The following ITPR2 variants were observed in gnomAD, a reference collection of about 807,000 sequenced individuals.
ITPR2 encodes the protein inositol 1,4,5-trisphosphate-gated calcium channel ITPR2.
In ITPR2, 207 loss-of-function variants were observed where a neutral mutation model predicts 317.1. The observed-to-expected ratio is 0.65, with a 90% CI of 0.58 to 0.73. The LOEUF (loss-of-function observed/expected upper bound fraction) is 0.73. Among genes scored for constraint, ITPR2 ranks in the 30% least tolerant of loss-of-function variants. The pLI is 0.00. For missense variants in ITPR2, 2,613 were observed against 3,284.0 expected, an observed-to-expected ratio of 0.80 and a Z score of 4.99; for synonymous variants, 1,156 against 1,149.1, an observed-to-expected ratio of 1.01 and a Z score of -0.12.
At position 26,580,054 on chromosome 12, in the gene ITPR2, G is replaced by A. The variant is rs2230376; in HGVS notation, c.4482C>T (p.Pro1494=). The part of the protein sequence containing the change: ...MNIVSGFFNS[P]FSDNSTSLQT... Reference sequence around the variant, plus strand: ...GGAGGCTGGTACTATTGTCTGAAAAGGGAGAATTAAAGAAGCCGCTCACAA... The same window carrying A: ...GGAGGCTGGTACTATTGTCTGAAAAAGGAGAATTAAAGAAGCCGCTCACAA... The change falls in exon 33 of 57, where the codon CCC becomes CCT. Residue 1494 remains proline (P), a synonymous_variant. Transcript: ENST00000381340. The A allele has an allele frequency of 0.3, 484,601 of 1,608,224 alleles. 76,962 individuals are homozygous for A. The highest frequency in any genetic ancestry group is 0.33 in the Non-Finnish European group (386,320 of 1,175,400).
chr12:26,618,062 T>G (rs1946410550), intron 26 of ITPR2, among the ~76,000 whole-genome samples: 1 of 152,148 alleles, frequency 6.6e-6, no homozygotes, highest in African/African-American at 2.4e-5. Flanking sequence ...CCATTTGTAG[T>G]TTTTAAAAAG....
At chr12:26,816,209 C>A (rs1000423829) in intron 1 of ITPR2, among the ~76,000 whole-genome samples, 2 of 151,392 alleles carry the variant, frequency 1.3e-5, no homozygotes, top group African/African-American at 4.9e-5. Flanking sequence ...GAAACTCATG[C>A]TGATTTTTCA....
chr12:26,475,348 T>C lies in ITPR2; in HGVS notation c.6290A>G (p.Asp2097Gly). The C allele has an allele frequency of 6.2e-7, 1 of 1,613,502 alleles. No homozygotes were observed. Among genetic ancestry groups the C allele is most frequent in the Admixed American group, 1.7e-5 (1 of 60,006 alleles). Reference sequence around the variant, plus strand: ...TCCAACATCTTTTGGAGAAACACCATCATCTCCACCCTCATCATCCCCATG... The same window carrying C: ...TCCAACATCTTTTGGAGAAACACCACCATCTCCACCCTCATCATCCCCATG... ...CDHGDDEGGD[D>G]GVSPKDVGHN... The change falls in exon 45 of 57, where the codon GAT becomes GGT. Residue 2097 changes from aspartate to glycine, a missense_variant. By Grantham distance (94) the Asp-to-Gly change is moderately conservative. Coordinates refer to ENST00000381340, the MANE Select transcript of ITPR2 (RefSeq NM_002223.4).
intron 1 of ITPR2, among the ~76,000 whole-genome samples, chr12:26,826,984 G>T (rs980809826): frequency 6.6e-6 from 1 of 152,082 alleles, no homozygotes; most frequent in African/African-American, 2.4e-5. Context: ...ACAAATCCTA[G>T]TATAGAAAAA....
intron 37 of ITPR2, among the ~76,000 whole-genome samples, chr12:26,524,548 T>A (rs148196701): frequency 6.6e-6 from 1 of 152,334 alleles, no homozygotes; most frequent in Non-Finnish European, 1.5e-5. Flanking sequence ...AAATTGATAA[T>A]GAAATACAAT....
chr12:26,368,115 T>G (rs1283904862), intron 55 of ITPR2, among the ~76,000 whole-genome samples: 2 of 152,242 alleles, frequency 1.3e-5, no homozygotes, highest in Non-Finnish European at 2.9e-5. Flanking sequence ...GAGAGCCCAC[T>G]GCTTTTCTTC....
chr12:26,652,338 C>T (rs1947276524), intron 21 of ITPR2, among the ~76,000 whole-genome samples: 1 of 152,040 alleles, frequency 6.6e-6, no homozygotes, highest in Admixed American at 6.5e-5. Flanking sequence ...TTGATTTGTA[C>T]AGTTTTTTGA....
chr12:26,768,555 T>C (rs1004984083), intron 2 of ITPR2, among the ~76,000 whole-genome samples: 8 of 91,630 alleles, frequency 8.7e-5, no homozygotes, highest in African/African-American at 4.3e-4. Flanking sequence ...GTCAAATGGA[T>C]GAATACAAAT....
At chr12:26,816,950 T>C (rs574476366) in intron 1 of ITPR2, among the ~76,000 whole-genome samples, 53 of 151,768 alleles carry the variant, frequency 3.5e-4, no homozygotes, top group South Asian at 1.7e-3. Flanking sequence ...GAGGCCAAGG[T>C]GGGCGGATCA....
chr12:26,500,695 T>A (rs573016494), intron 37 of ITPR2, among the ~76,000 whole-genome samples: 1 of 152,198 alleles, frequency 6.6e-6, no homozygotes, highest in Non-Finnish European at 1.5e-5. Context: ...TCTGGGAGGA[T>A]TGGGTTTTTC....
intron 2 of ITPR2, among the ~76,000 whole-genome samples, chr12:26,769,872 C>T (rs982428229): frequency 3.3e-5 from 5 of 152,140 alleles, no homozygotes; most frequent in Admixed American, 1.3e-4. Flanking sequence ...TTCATTTCCA[C>T]AAACAGTCCA....
rs1006801552 is a variant in ITPR2 at position 26,372,718 on chromosome 12, G to C, written c.7857+14716C>G. Reference sequence around the variant, plus strand: ...ATAACTTTTATCACCCCAATAAAATGGGTTATCTTATTATATATCTGTTGG... The same window carrying C: ...ATAACTTTTATCACCCCAATAAAATCGGTTATCTTATTATATATCTGTTGG... On this transcript the variant is annotated intron_variant, in intron 55 of 56. Transcript: ENST00000381340. Among the ~76,000 whole-genome samples, 13 of 152,204 alleles carry C rather than the reference G, an allele frequency of 8.5e-5. 1 individual carries two copies. The highest frequency in any genetic ancestry group is 1.9e-4 in the Non-Finnish European group (13 of 68,034).
At chr12:26,723,054 C>A (rs1324647153) in intron 4 of ITPR2, among the ~76,000 whole-genome samples, 1 of 152,176 alleles carries the variant, frequency 6.6e-6, no homozygotes, top group Admixed American at 6.6e-5. Flanking sequence ...GGCTTCTACA[C>A]CTTCTGCCAG....
chr12:26,479,144 G>GAAA (rs11322201), intron 43 of ITPR2, among the ~76,000 whole-genome samples: 1 of 140,850 alleles, frequency 7.1e-6, no homozygotes, highest in Non-Finnish European at 1.6e-5. Flanking sequence ...CATTCACTAA[G>GAAA]AAAAAAAAAA....
In ITPR2 at chr12:26,805,079, G is replaced by A. The variant is rs543744878; in HGVS notation, c.93-14852C>T. Among the ~76,000 whole-genome samples, 7 of 152,156 alleles carry A rather than the reference G, an allele frequency of 4.6e-5. 1 individual carries two copies. Among genetic ancestry groups the A allele is most frequent in the African/African-American group, 1.7e-4 (7 of 41,510 alleles). ...CCCTAATCCTTCAGACAGTGATCAT[G>A]ACCACAAATAAAAATTCGTAAAGAG... is the stretch of plus-strand genomic sequence containing the variant. On this transcript the variant is annotated intron_variant, in intron 1 of 56. Coordinates refer to ENST00000381340, the MANE Select transcript of ITPR2 (RefSeq NM_002223.4).
intron 2 of ITPR2, among the ~76,000 whole-genome samples, chr12:26,753,803 G>T (rs573814122): frequency 6.6e-6 from 1 of 152,190 alleles, no homozygotes; most frequent in East Asian, 1.9e-4. Context: ...TGTTCAAGAC[G>T]ACCCAGCAAA....
chr12:26,435,153 G>T (rs528479223), intron 48 of ITPR2, among the ~76,000 whole-genome samples: 1 of 152,102 alleles, frequency 6.6e-6, no homozygotes, highest in East Asian at 1.9e-4. Context: ...TACCTGTAAT[G>T]AACCTGTAAA....
chr12:26,565,611 T>C (rs2137037773), intron 34 of ITPR2, among the ~76,000 whole-genome samples: 1 of 151,762 alleles, frequency 6.6e-6, no homozygotes, highest in East Asian at 2.0e-4. Context: ...TACCAGCTGG[T>C]GGAAATTCTC....
rs1265235383 is a variant in ITPR2 at position 26,714,606 on chromosome 12, T to A, written c.855+693A>T. On this transcript the variant is annotated intron_variant, in intron 8 of 56. Coordinates refer to ENST00000381340, the MANE Select transcript of ITPR2 (RefSeq NM_002223.4). ...ATTAAAGGGAGTGTCACAAAATATA[T>A]GTTTTAAAATTGGGGGCAGGTGAAG... Among the ~76,000 whole-genome samples, 4 of 152,174 alleles carry A rather than the reference T, an allele frequency of 2.6e-5. No homozygotes were observed. The South Asian group carries it at 8.3e-4, about 32-fold the overall frequency.
Sources: allele counts gnomAD v4.1 joint callset (sites outside exome capture counted in the v4.1 genomes callset), GRCh38; gene constraint gnomAD v4.1.1; transcripts MANE v1.5; gene names NCBI Gene and HGNC (gene_info 2026-07-23, HGNC 2026-07-21).